Variants in MORC3 observed in about 807,000 individuals in gnomAD.
MORC3 encodes the protein MORC family CW-type zinc finger 3, also known as MORC family CW-type zinc finger protein 3.
Under a neutral mutation model 109.1 loss-of-function variants are expected in MORC3, and 31 were observed. The ratio of observed to expected loss-of-function variants is 0.28; its 90% CI spans 0.21 to 0.38. The LOEUF is 0.38. MORC3 is among the 10% of genes least tolerant of loss of function. The pLI, the probability that MORC3 is intolerant of heterozygous loss-of-function variation, is 1.00. For synonymous variants in MORC3, 395 were observed against 380.7 expected, an observed-to-expected ratio of 1.04 and a Z score of -0.44; for missense variants, 867 against 1,135.8, an observed-to-expected ratio of 0.76 and a Z score of 3.40.
intron 1 of MORC3, among the ~76,000 whole-genome samples, chr21:36,329,201 A>G (rs545734485): frequency 6.6e-6 from 1 of 152,216 alleles, no homozygotes; most frequent in African/African-American, 2.4e-5. Flanking sequence ...AAGCTGTGGC[A>G]GGAGAATCGC....
At chr21:36,326,973 G>A (rs2085254319) in intron 1 of MORC3, among the ~76,000 whole-genome samples, 1 of 150,728 alleles carries the variant, frequency 6.6e-6, no homozygotes, top group Non-Finnish European at 1.5e-5. Flanking sequence ...CTGCCACCAC[G>A]CCCGGCTAAT....
intron 2 of MORC3, among the ~76,000 whole-genome samples, chr21:36,334,430 T>C (rs953460209): frequency 1.3e-5 from 2 of 152,192 alleles, no homozygotes; most frequent in Admixed American, 6.6e-5. Context: ...AATATTTTTA[T>C]TTTTATTATA....
intron 8 of MORC3, among the ~76,000 whole-genome samples, chr21:36,346,768 C>G (rs2085511781): frequency 6.6e-6 from 1 of 152,110 alleles, no homozygotes; most frequent in African/African-American, 2.4e-5. Flanking sequence ...AAAATTGTGC[C>G]TCTGCTTTTC....
intron 13 of MORC3, among the ~76,000 whole-genome samples, chr21:36,363,798 A>T (rs1021755702): frequency 1.3e-5 from 2 of 152,212 alleles, no homozygotes; most frequent in African/African-American, 4.8e-5. Context: ...AGGTCACCAC[A>T]TGGTAAATCT....
intron 13 of MORC3, among the ~76,000 whole-genome samples, chr21:36,362,717 CTTAGT>C (rs762654064): frequency 2.9e-4 from 44 of 151,994 alleles, no homozygotes; most frequent in Non-Finnish European, 5.1e-4. Flanking sequence ...TTGTGTAGTG[CTTAGT>C]TTAATCAGTA....
At chr21:36,343,953 TAGTGTTGAAAA>T (rs2085480569) in intron 6 of MORC3, among the ~76,000 whole-genome samples, 1 of 152,090 alleles carries the variant, frequency 6.6e-6, no homozygotes, top group South Asian at 2.1e-4. Context: ...AATGTGTTCC[TAGTGTTGAAAA>T]AGTCTTATTC....
intron 1 of MORC3, among the ~76,000 whole-genome samples, chr21:36,328,906 T>TTAAA (rs1555904794): frequency 7.2e-6 from 1 of 139,208 alleles, no homozygotes; most frequent in Non-Finnish European, 1.6e-5. Flanking sequence ...GCTGATGAGG[T>TTAAA]AAAAAAAAAA....
chr21:36,369,608 C>A lies in MORC3; in HGVS notation c.2240C>A (p.Ser747Tyr), dbSNP rs1426490079. 6.2e-7 allele frequency: 1 copy of A among 1,614,048 alleles called. No individual in the cohort carries two copies. The highest frequency in any genetic ancestry group is 1.3e-5 in the African/African-American group (1 of 74,922). The change falls in exon 15 of 17, where the codon TCC becomes TAC. Residue 747 changes from serine to tyrosine, a missense_variant. By Grantham distance (144) the Ser-to-Tyr change is moderately radical. This residue lies in a region of MORC3 where 486 missense variants were observed against 502.1 expected (regional missense o/e 0.97). Coordinates refer to ENST00000400485, the MANE Select transcript of MORC3 (RefSeq NM_015358.3). ...GTTAAGAAAGAAACTTGCCATCAGTCCACTGAAACCGATGCTGTATTTTTA... is the reference window on the plus strand; with the variant it reads ...GTTAAGAAAGAAACTTGCCATCAGTACACTGAAACCGATGCTGTATTTTTA... ...KYVKKETCHQ[S>Y]TETDAVFLLE...
Position 36,372,500 on chromosome 21 carries a change from G to T in MORC3, c.2635G>T (p.Glu879Ter). 1 of 1,592,538 alleles carries T rather than the reference G, an allele frequency of 6.3e-7. No homozygotes were observed. Among genetic ancestry groups the T allele is most frequent in the South Asian group, 1.2e-5 (1 of 86,268 alleles). The change falls in exon 16 of 17, where the codon GAG becomes TAG. Residue 879 changes from glutamate (E) to a stop codon, truncating the protein, a stop_gained. Transcript: ENST00000400485. LOFTEE classifies it high-confidence loss of function. ...ATDVSTSSNIEESVNHMDGES... is the reference protein window; with the variant it reads ...ATDVSTSSNI ...AGATGTTTCAACATCAAGTAACATT[G>T]AGGAGTCTGTAAATCATATGGATGG... is the stretch of plus-strand genomic sequence containing the variant.
At chr21:36,373,954 AATGTTGAT>A (rs1296388857) in intron 16 of MORC3, among the ~76,000 whole-genome samples, 27 of 152,294 alleles carry the variant, frequency 1.8e-4, no homozygotes, top group African/African-American at 5.3e-4. Context: ...AAAAGTCTAG[AATGTTGAT>A]ATTCATAAAC....
intron 14 of MORC3, among the ~76,000 whole-genome samples, chr21:36,364,599 G>A (rs1217119310): frequency 6.6e-6 from 1 of 151,792 alleles, no homozygotes; most frequent in Non-Finnish European, 1.5e-5. Flanking sequence ...CTGAGGCTGA[G>A]GCTGAGGCTG....
At chr21:36,334,937 C>T (rs538533022) in intron 2 of MORC3, among the ~76,000 whole-genome samples, 2 of 151,960 alleles carry the variant, frequency 1.3e-5, no homozygotes, top group African/African-American at 4.8e-5. Flanking sequence ...TGGGGCCCAC[C>T]CTGAGAAACA....
chr21:36,329,747 A>G (rs2085292821), intron 1 of MORC3, among the ~76,000 whole-genome samples: 1 of 152,212 alleles, frequency 6.6e-6, no homozygotes, highest in Non-Finnish European at 1.5e-5. Context: ...AAATAATTCT[A>G]AATAGATTTC....
chr21:36,325,274 G>A (rs902353897), intron 1 of MORC3, among the ~76,000 whole-genome samples: 3 of 152,156 alleles, frequency 2.0e-5, no homozygotes, highest in Non-Finnish European at 2.9e-5. Flanking sequence ...AAAGCCAGGC[G>A]GAATTGCTAA....
chr21:36,372,324 T>A, intron 15 of MORC3, 50 bp from the exon 16 acceptor site: 1 of 1,444,144 alleles, frequency 6.9e-7, no homozygotes, highest in Non-Finnish European at 9.2e-7. Context: ...CACTTTGCCA[T>A]TAGTATTTTT....
rs368578940 is a variant in MORC3 at position 36,330,296 on chromosome 21, A to G, written c.40-3350A>G. On this transcript the variant is annotated intron_variant, in intron 1 of 16. Coordinates refer to ENST00000400485, the MANE Select transcript of MORC3 (RefSeq NM_015358.3). ...TCTTCTGTCTTATGCCTGCTAGCTA[A>G]GAGCTTCCTCTGCGTAGTAAAACTT... 1.8e-4 allele frequency among the ~76,000 whole-genome samples: 28 copies of G among 152,302 alleles called. No individual in the cohort carries two copies. In the East Asian group the frequency reaches 5.2e-3, roughly 28 times the overall value.
chr21:36,372,322 C>A lies in MORC3; in HGVS notation c.2509-52C>A. Reference sequence around the variant, plus strand: ...ATATTAGCTTGAAATTTCACTTTGCCATTAGTATTTTTAAGTTTTACAGTT... The same window carrying A: ...ATATTAGCTTGAAATTTCACTTTGCAATTAGTATTTTTAAGTTTTACAGTT... On this transcript the variant is annotated intron_variant, in intron 15 of 16. Transcript: ENST00000400485. 2.8e-6 allele frequency: 4 copies of A among 1,432,090 alleles called. No individual in the cohort carries two copies. In the Admixed American group the frequency reaches 1.1e-4, roughly 38 times the overall value. 88.7% of individuals were successfully genotyped at this position (1,432,090 alleles called of 1,614,324 possible).
At chr21:36,365,877 C>T (rs773142968) in intron 14 of MORC3, among the ~76,000 whole-genome samples, 1 of 152,118 alleles carries the variant, frequency 6.6e-6, no homozygotes, top group Non-Finnish European at 1.5e-5. Context: ...CCACAGCACC[C>T]GGCCAGTTTG....
intron 1 of MORC3, among the ~76,000 whole-genome samples, chr21:36,323,275 C>G (rs1005130715): frequency 2.0e-5 from 3 of 152,170 alleles, no homozygotes; most frequent in Non-Finnish European, 4.4e-5. Context: ...AGCCTACTCT[C>G]TCGGGTTCAA....
Sources: gnomAD v4.1 joint callset for allele counts (sites outside exome capture counted in the v4.1 genomes callset) on GRCh38, gnomAD v4.1.1 for gene constraint, gnomAD v4.1.1 regional missense constraint, MANE v1.5 for transcripts, NCBI Gene and HGNC (gene_info 2026-07-23, HGNC 2026-07-21) for gene names.